The following COA1 variants were observed in gnomAD, a reference collection of about 807,000 sequenced individuals.
The protein encoded by COA1 is cytochrome c oxidase assembly factor 1 homolog.
COA1 carries 13 observed loss-of-function variants against 16.0 expected under a neutral mutation model. The ratio of observed to expected loss-of-function variants is 0.81; its 90% CI spans 0.53 to 1.29. The LOEUF (loss-of-function observed/expected upper bound fraction) is 1.29, where lower values mean the gene tolerates loss of function less well. Ranked by LOEUF, COA1 falls within the 50% of genes most tolerant of loss-of-function variation. The pLI, the probability that COA1 is intolerant of heterozygous loss-of-function variation, is 0.00. For missense variants in COA1, 179 were observed against 177.0 expected (o/e 1.01, Z -0.06); for synonymous variants, 65 against 65.7 (o/e 0.99, Z 0.05).
At chr7:43,719,534 T>C (rs1318711743) in intron 1 of COA1, among the ~76,000 whole-genome samples, 1 of 152,214 alleles carries the variant, frequency 6.6e-6, no homozygotes, top group Non-Finnish European at 1.5e-5. Context: ...TAAAGGATTA[T>C]CCACAACTAA....
chr7:43,675,181 CA>C (rs2093454810), intron 1 of COA1, among the ~76,000 whole-genome samples: 1 of 152,124 alleles, frequency 6.6e-6, no homozygotes, highest in Admixed American at 6.6e-5. Context: ...GGAACCAACC[CA>C]AATGTCCAAC....
intron 6 of COA1, among the ~76,000 whole-genome samples, chr7:43,611,145 A>G (rs10256980): frequency 0.17 from 25,210 of 152,194 alleles, 2,421 homozygotes; most frequent in Non-Finnish European, 0.21. Context: ...TACAGTGTGT[A>G]TAATCTGGAG....
At chr7:43,643,590 T>A (rs1386897161) in intron 4 of COA1, among the ~76,000 whole-genome samples, 1 of 152,228 alleles carries the variant, frequency 6.6e-6, no homozygotes, top group Non-Finnish European at 1.5e-5. Context: ...TGCTGGACAC[T>A]GGACCATCAC....
intron 6 of COA1, chr7:43,623,635 T>C: frequency 1.2e-6 from 2 of 1,608,572 alleles, no homozygotes; most frequent in Non-Finnish European, 8.5e-7. Context: ...GAGTTATTAA[T>C]GAAAAATTGA....
chr7:43,636,959 CCT>C (rs1335831389), downstream of COA1, among the ~76,000 whole-genome samples: 1 of 151,912 alleles, frequency 6.6e-6, no homozygotes, highest in Non-Finnish European at 1.5e-5. Context: ...CCTTTCCAGG[CCT>C]CTCTTTTACT....
At chr7:43,647,733 G>T in intron 2 of COA1, 99 bp from the exon 3 acceptor site, 1 of 890,284 alleles carries the variant, frequency 1.1e-6, no homozygotes, top group Non-Finnish European at 1.7e-6. Context: ...CATTAAGGAA[G>T]CCAGAAAGGA....
At chr7:43,629,695 A>G (rs2084977324) in intron 6 of COA1, among the ~76,000 whole-genome samples, 2 of 152,212 alleles carry the variant, frequency 1.3e-5, no homozygotes, top group South Asian at 2.1e-4. Context: ...AATTTATAGT[A>G]ACAAAATTGG....
intron 1 of COA1, among the ~76,000 whole-genome samples, chr7:43,707,866 T>C (rs2095057226): frequency 6.6e-6 from 1 of 152,226 alleles, no homozygotes; most frequent in Admixed American, 6.5e-5. Context: ...TGCCCACCAT[T>C]TCTGTGGAAG....
intron 1 of COA1, among the ~76,000 whole-genome samples, chr7:43,666,979 T>C (rs2092932037): frequency 6.6e-6 from 1 of 152,100 alleles, no homozygotes; most frequent in African/African-American, 2.4e-5. Context: ...AGTAAAAGGG[T>C]TATAAAAGGC....
chr7:43,626,778 T>G (rs1008727607), intron 6 of COA1: 2 of 152,088 alleles, frequency 1.3e-5, no homozygotes, highest in African/African-American at 4.8e-5. Flanking sequence ...ATAAATATAT[T>G]TAATATAATT....
chr7:43,664,970 T>C (rs1339779506), intron 1 of COA1, among the ~76,000 whole-genome samples: 3 of 152,242 alleles, frequency 2.0e-5, no homozygotes, highest in South Asian at 2.1e-4. Flanking sequence ...CTTTTCCTTT[T>C]ATGCAAGCAT....
chr7:43,659,185 A>C (rs2092164700), intron 1 of COA1: 1 of 152,244 alleles, frequency 6.6e-6, no homozygotes, highest in Admixed American at 6.5e-5. Context: ...AAGCAGAATT[A>C]ACAGGACTTG....
intron 1 of COA1, among the ~76,000 whole-genome samples, chr7:43,682,505 G>A (rs10262602): frequency 0.83 from 125,835 of 152,226 alleles, 52,445 homozygotes; most frequent in African/African-American, 0.94. Flanking sequence ...AGAAAGTGAA[G>A]TAATCCGAAT....
At chr7:43,644,736 A>AGATAGATAGATAGATAGATG (rs2088382764) in intron 4 of COA1, among the ~76,000 whole-genome samples, 3 of 84,858 alleles carry the variant, frequency 3.5e-5, no homozygotes, top group Non-Finnish European at 5.5e-5. Context: ...ATAGATAGAT[A>AGATAGATAGATAGATAGATG]GATAGATAGA....
At chr7:43,714,750 G>A (rs62461097) in intron 1 of COA1, among the ~76,000 whole-genome samples, 8,327 of 152,054 alleles carry the variant, frequency 0.055, 331 homozygotes, top group Admixed American at 0.11. Context: ...GCTCACATCT[G>A]TAATCCCAGC....
At chr7:43,725,791 G>A (rs1363356756) in intron 1 of COA1, among the ~76,000 whole-genome samples, 13 of 151,766 alleles carry the variant, frequency 8.6e-5, no homozygotes, top group African/African-American at 2.9e-4. Context: ...CCCAGGAGGC[G>A]GAGGTTGCAG....
intron 1 of COA1, among the ~76,000 whole-genome samples, chr7:43,700,528 AGATATATATATATATATATACATACACG>A (rs920224620): frequency 1.8e-5 from 2 of 113,024 alleles, no homozygotes; most frequent in Admixed American, 1.1e-4. Context: ...AAATGTAGGC[AGATATATATATATATATATACATACACG>A]TATATATATG....
intron 1 of COA1, among the ~76,000 whole-genome samples, chr7:43,677,158 G>A (rs1326011327): frequency 6.6e-6 from 1 of 152,016 alleles, no homozygotes; most frequent in African/African-American, 2.4e-5. Context: ...TTGAATATTA[G>A]AAGAAAGTTC....
At chr7:43,690,378 TAAAG>T (rs2094218158) in intron 1 of COA1, among the ~76,000 whole-genome samples, 1 of 152,016 alleles carries the variant, frequency 6.6e-6, no homozygotes, top group South Asian at 2.1e-4. Flanking sequence ...AACGAGTGGA[TAAAG>T]AAAATGTGGT....
Sources: gnomAD v4.1 joint callset for allele counts (sites outside exome capture counted in the v4.1 genomes callset) on GRCh38, gnomAD v4.1.1 for gene constraint, MANE v1.5 for transcripts, NCBI Gene and HGNC (gene_info 2026-07-23, HGNC 2026-07-21) for gene names.